Variants in OR52N4 observed in about 807,000 individuals in gnomAD.
OR52N4 encodes the protein olfactory receptor family 52 subfamily N member 4.
Under a neutral mutation model 15.0 loss-of-function variants are expected in OR52N4, and 15 were observed. The observed-to-expected ratio is 1.00, with a 90% confidence interval of 0.67 to 1.54. OR52N4 has a LOEUF of 1.54. Ranked by LOEUF, OR52N4 falls within the 40% of genes most tolerant of loss-of-function variation. The probability of loss-of-function intolerance (pLI) is 0.00; values close to 1 mark genes in which losing one functional copy is unlikely to be tolerated. For missense variants in OR52N4, 421 were observed against 394.0 expected, an observed-to-expected ratio of 1.07 and a Z score of -0.58; for synonymous variants, 143 against 143.7, an observed-to-expected ratio of 1.00 and a Z score of 0.03.
At chr11:5,740,574 T>C in the OR52N4 span, among the ~76,000 whole-genome samples, 6 of 124,622 alleles carry the variant, frequency 4.8e-5, 1 homozygote, top group Non-Finnish European at 1.1e-4. Context: ...TTCTGGGAGG[T>C]TGAGGAAGGG....
chr11:5,749,988 T>G (rs966050511), upstream of OR52N4, among the ~76,000 whole-genome samples: 1 of 151,984 alleles, frequency 6.6e-6, no homozygotes, highest in East Asian at 1.9e-4. Context: ...TAGATAGTTA[T>G]GTAGTTCTTG....
At chr11:5,732,242 T>C in the OR52N4 span, among the ~76,000 whole-genome samples, 20 of 152,302 alleles carry the variant, frequency 1.3e-4, no homozygotes, top group African/African-American at 4.8e-4. Flanking sequence ...TTCTACTTTC[T>C]ACTACAAATT....
chr11:5,753,398 G>C (rs1001004313), upstream of OR52N4, among the ~76,000 whole-genome samples: 1 of 152,044 alleles, frequency 6.6e-6, no homozygotes, highest in Non-Finnish European at 1.5e-5. Flanking sequence ...ATAAAAGTTT[G>C]TGCCTATTTA....
the OR52N4 span, among the ~76,000 whole-genome samples, chr11:5,749,011 C>G: frequency 6.6e-6 from 1 of 151,988 alleles, no homozygotes; most frequent in African/African-American, 2.4e-5. Flanking sequence ...ATCTGTGTCT[C>G]TGAGATTCTT....
the OR52N4 span, among the ~76,000 whole-genome samples, chr11:5,735,595 A>G: frequency 2.0e-5 from 3 of 152,260 alleles, no homozygotes; most frequent in South Asian, 6.2e-4. Flanking sequence ...AAAGAAATCA[A>G]CAATATGATA....
the OR52N4 span, among the ~76,000 whole-genome samples, chr11:5,733,271 ACACCTTGAGGTTTCCAGACACATTGTTGT>A: frequency 1.3e-5 from 2 of 152,122 alleles, no homozygotes; most frequent in Non-Finnish European, 1.5e-5. Flanking sequence ...ATGTTCCACC[ACACCTTGAGGTTTCCAGACACATTGTTGT>A]CACCTTGAGG....
chr11:5,731,712 CCATGGAAAGTGGCTCT>C, the OR52N4 span, among the ~76,000 whole-genome samples: 1 of 152,088 alleles, frequency 6.6e-6, no homozygotes, highest in Non-Finnish European at 1.5e-5. Context: ...GCCATGTGAG[CCATGGAAAGTGGCTCT>C]CATCACCCCT....
At chr11:5,736,524 A>C in the OR52N4 span, 1 of 1,613,492 alleles carries the variant, frequency 6.2e-7, no homozygotes. Context: ...ATCATGAATC[A>C]TATGTCTGCA....
the OR52N4 span, among the ~76,000 whole-genome samples, chr11:5,732,710 A>C: frequency 7.7e-4 from 118 of 152,316 alleles, no homozygotes; most frequent in East Asian, 6.2e-3. Context: ...TAATAGCATT[A>C]ATTCAAATAT....
At chr11:5,734,810 G>C in the OR52N4 span, among the ~76,000 whole-genome samples, 1 of 151,968 alleles carries the variant, frequency 6.6e-6, no homozygotes, top group African/African-American at 2.4e-5. Flanking sequence ...TCCTCTAAAA[G>C]CTCAAAGTCA....
At chr11:5,731,964 T>C in the OR52N4 span, among the ~76,000 whole-genome samples, 4 of 152,228 alleles carry the variant, frequency 2.6e-5, no homozygotes, top group African/African-American at 4.8e-5. Context: ...TTGTGATATA[T>C]GTATACTTTG....
At chr11:5,727,852 G>T in the OR52N4 span, among the ~76,000 whole-genome samples, 10 of 152,190 alleles carry the variant, frequency 6.6e-5, no homozygotes, top group Non-Finnish European at 2.9e-5. Flanking sequence ...CTTACCAGCT[G>T]CAAGAATCAG....
the OR52N4 span, among the ~76,000 whole-genome samples, chr11:5,735,605 A>C: frequency 6.6e-6 from 1 of 152,142 alleles, no homozygotes; most frequent in African/African-American, 2.4e-5. Context: ...ACAATATGAT[A>C]AGCAATTATT....
chr11:5,739,561 C>CAAAAAAAAA, the OR52N4 span, among the ~76,000 whole-genome samples: 1 of 44,870 alleles, frequency 2.2e-5, no homozygotes, highest in Non-Finnish European at 4.5e-5. Flanking sequence ...GACTCTGACT[C>CAAAAAAAAA]AAAAAAAAAA....
the OR52N4 span, chr11:5,736,535 T>G: frequency 1.2e-6 from 2 of 1,613,494 alleles, no homozygotes; most frequent in South Asian, 1.1e-5. Flanking sequence ...TATGTCTGCA[T>G]CTCTCAAAAT....
chr11:5,743,331 G>T, the OR52N4 span, among the ~76,000 whole-genome samples: 1 of 152,126 alleles, frequency 6.6e-6, no homozygotes. Flanking sequence ...GATCACTGTG[G>T]CAAAAAAATC....
chr11:5,729,832 T>C, the OR52N4 span, among the ~76,000 whole-genome samples: 1 of 152,216 alleles, frequency 6.6e-6, no homozygotes, highest in Non-Finnish European at 1.5e-5. Context: ...ATAATCCTCA[T>C]ATAAACTTTT....
intron 1 of OR52N4, among the ~76,000 whole-genome samples, 158 bp from the exon 2 acceptor site, chr11:5,754,531 TAATC>T (rs145672830): frequency 0.17 from 26,202 of 152,024 alleles, 2,390 homozygotes; most frequent in East Asian, 0.25. Context: ...ATCAATTAAT[TAATC>T]AATCAATAAA....
At chr11:5,736,457 G>A in the OR52N4 span, 3 of 1,441,632 alleles carry the variant, frequency 2.1e-6, no homozygotes, top group African/African-American at 1.4e-5. Flanking sequence ...TTTCTGTGGT[G>A]GTTCCAACCT....
Sources: allele counts gnomAD v4.1 joint callset (sites outside exome capture counted in the v4.1 genomes callset), GRCh38; gene constraint gnomAD v4.1.1; transcripts MANE v1.5; gene names NCBI Gene and HGNC (gene_info 2026-07-23, HGNC 2026-07-21).